XK: variants seen among roughly 807,000 people sequenced by gnomAD.
XK encodes X-linked Kx blood group antigen, Kell and VPS13A binding protein.
Under a neutral mutation model 14.0 loss-of-function variants are expected in XK, and 2 were observed. The ratio of observed to expected loss-of-function variants is 0.14; its 90% CI spans 0.06 to 0.45. The LOEUF is 0.45. Among genes scored for constraint, XK ranks in the 20% least tolerant of loss-of-function variants. XK has a pLI of 0.98. For synonymous variants in XK, 149 were observed against 147.5 expected, an observed-to-expected ratio of 1.01 and a Z score of -0.08; for missense variants, 235 against 341.5, an observed-to-expected ratio of 0.69 and a Z score of 2.46.
intron 2 of XK, among the ~76,000 whole-genome samples, chrX:37,701,716 T>G (rs1214202612): frequency 8.9e-6 from 1 of 112,180 alleles, no homozygotes; most frequent in Non-Finnish European, 1.9e-5. Context: ...TGCATCTGTC[T>G]CCTCCCCTAA....
At chrX:37,690,183 A>G (rs1218144441) in intron 1 of XK, among the ~76,000 whole-genome samples, 3 of 112,035 alleles carry the variant, frequency 2.7e-5, no homozygotes, top group Non-Finnish European at 3.8e-5. Flanking sequence ...GTGCTTTTAC[A>G]TACAGTATTT....
intron 2 of XK, among the ~76,000 whole-genome samples, chrX:37,719,654 T>A (rs1556448522): frequency 9.0e-6 from 1 of 111,435 alleles, no homozygotes; most frequent in African/African-American, 3.3e-5. Flanking sequence ...TTTGAGTTTT[T>A]AAAATAGTTT....
At chrX:37,718,250 C>T (rs1402690023) in intron 2 of XK, among the ~76,000 whole-genome samples, 1 of 111,246 alleles carries the variant, frequency 9.0e-6, no homozygotes, top group Admixed American at 9.5e-5. Flanking sequence ...TCCTCACCCA[C>T]CTCCCCCAAA....
rs28940604 is a variant in XK, at chrX:37,701,452, G to C, written c.508+6904G>C. Among the ~76,000 whole-genome samples the C allele has an allele frequency of 8.1e-3, 907 of 112,583 alleles. 5 individuals carry two copies. Among genetic ancestry groups the C allele is most frequent in the African/African-American group, 0.028 (861 of 31,006 alleles). On this transcript the variant is annotated intron_variant, in intron 2 of 2. Transcript: ENST00000378616. The stretch of plus-strand genomic sequence containing the variant: ...ATGTCCATATTTTAGGTTTTCACCT[G>C]TTCCTTGGATCCTCTGTGGCCACAT...
At chrX:37,707,210 G>A (rs372942658) in intron 2 of XK, among the ~76,000 whole-genome samples, 1 of 110,939 alleles carries the variant, frequency 9.0e-6, no homozygotes, top group Non-Finnish European at 1.9e-5. Flanking sequence ...AGGGGCGGCC[G>A]GGCAGAGGTG....
intron 2 of XK, among the ~76,000 whole-genome samples, chrX:37,720,256 T>C (rs1927843967): frequency 9.0e-6 from 1 of 111,155 alleles, no homozygotes; most frequent in Non-Finnish European, 1.9e-5. Context: ...GAGATTTTTT[T>C]TTTCTTTCAA....
chrX:37,701,342 A>T (rs943260394), intron 2 of XK, among the ~76,000 whole-genome samples: 2 of 112,714 alleles, frequency 1.8e-5, no homozygotes, highest in Admixed American at 9.3e-5. Context: ...TAAAGCATGT[A>T]CTGTACTTTT....
At chrX:37,686,484 C>A (rs1569472210) in intron 1 of XK, among the ~76,000 whole-genome samples, 1 of 112,248 alleles carries the variant, frequency 8.9e-6, no homozygotes, top group Non-Finnish European at 1.9e-5. Context: ...ATGGCAGTTT[C>A]TTGTGGTTCA....
At chrX:37,718,688 A>G (rs374643784) in intron 2 of XK, among the ~76,000 whole-genome samples, 1 of 111,946 alleles carries the variant, frequency 8.9e-6, no homozygotes, top group Non-Finnish European at 1.9e-5. Flanking sequence ...TCCCATAAGC[A>G]GTGTATGAGA....
At chrX:37,707,306 GC>G (rs1800758596) in intron 2 of XK, among the ~76,000 whole-genome samples, 1 of 109,287 alleles carries the variant, frequency 9.2e-6, no homozygotes, top group Admixed American at 9.5e-5. Context: ...CCTGGCGGGG[GC>G]TGACCCCCAC....
In XK at chrX:37,729,395, A is replaced by C. The variant is rs1285010461; in HGVS notation, c.*933A>C. The C allele has an allele frequency of 8.9e-6, 1 of 111,766 alleles. No homozygotes were observed. The highest frequency in any genetic ancestry group is 1.9e-5 in the Non-Finnish European group (1 of 53,144). The allele number at this position is 111,766 out of a possible 1,213,427, so 9.2% of individuals were successfully genotyped here. Reference sequence around the variant, plus strand: ...AATTTTCATTTTCATTATTTCAAGGAATAGAGTTTTCCTCACTACCACTTG... The same window carrying C: ...AATTTTCATTTTCATTATTTCAAGGCATAGAGTTTTCCTCACTACCACTTG... On this transcript the variant is annotated 3_prime_UTR_variant, in exon 3 of 3. Transcript: ENST00000378616.
intron 2 of XK, among the ~76,000 whole-genome samples, chrX:37,716,545 G>A (rs1036696667): frequency 9.0e-5 from 10 of 111,338 alleles, no homozygotes; most frequent in Non-Finnish European, 1.5e-4. Context: ...AGTCATGGAG[G>A]ATCTAATGGC....
Position 37,685,885 on chromosome X carries a change from G to C in XK, c.-77G>C. On this transcript the variant is annotated 5_prime_UTR_variant, in exon 1 of 3. Coordinates refer to ENST00000378616, the MANE Select transcript of XK (RefSeq NM_021083.4). Reference sequence around the variant, plus strand: ...GCTGGGCATGCTGGGAGCCCCTCGGGCAACGGCCGCCGCCGCCACAGCCAC... The same window carrying C: ...GCTGGGCATGCTGGGAGCCCCTCGGCCAACGGCCGCCGCCGCCACAGCCAC... The C allele has an allele frequency of 9.0e-7, 1 of 1,116,853 alleles. No individual in the cohort carries two copies. The highest frequency in any genetic ancestry group is 1.2e-6 in the Non-Finnish European group (1 of 837,225). The allele number at this position is 1,116,853 out of a possible 1,213,427, so 92.0% of individuals were successfully genotyped here.
intron 1 of XK, among the ~76,000 whole-genome samples, chrX:37,688,122 G>A (rs180828723): frequency 0.026 from 2,546 of 98,111 alleles, 41 homozygotes; most frequent in South Asian, 0.072. Flanking sequence ...GTGCAGTGGC[G>A]CGATCTCAGC....
chrX:37,727,924 A>G lies in XK; in HGVS notation c.797A>G (p.Asn266Ser), dbSNP rs1928010845. Residue 266 changes from asparagine to serine, a missense_variant, in exon 3 of 3, where the codon AAC becomes AGC. By Grantham distance (46) the Asn-to-Ser change is conservative. Transcript: ENST00000378616. ...FWCSGSPFPE[N>S]IEKALSRVGT... Reference sequence around the variant, plus strand: ...TGCAGTGGTTCCCCATTCCCTGAGAACATAGAGAAGGCCCTCAGTAGAGTG... The same window carrying G: ...TGCAGTGGTTCCCCATTCCCTGAGAGCATAGAGAAGGCCCTCAGTAGAGTG... 8.3e-7 allele frequency: 1 copy of G among 1,209,174 alleles called. No homozygotes were observed. The highest frequency in any genetic ancestry group is 1.8e-5 in the African/African-American group (1 of 56,940).
Position 37,730,119 on chromosome X carries a change from G to T in XK, c.*1657G>T, listed in dbSNP as rs1747760929. On this transcript the variant is annotated 3_prime_UTR_variant, in exon 3 of 3. Transcript: ENST00000378616. ...AAATGTTTTTGATTTATCAATATTTGTGGTTTAACTTTGTGGGGGTGTCCA... is the reference window on the plus strand; with the variant it reads ...AAATGTTTTTGATTTATCAATATTTTTGGTTTAACTTTGTGGGGGTGTCCA... 1 of 111,455 alleles carries T rather than the reference G, an allele frequency of 9.0e-6. No homozygotes were observed. Among genetic ancestry groups the T allele is most frequent in the Non-Finnish European group, 1.9e-5 (1 of 53,025 alleles). The allele number at this position is 111,455 out of a possible 1,213,427, so 9.2% of individuals were successfully genotyped here.
At chrX:37,725,208 A>G (rs1927953608) in intron 2 of XK, among the ~76,000 whole-genome samples, 1 of 111,571 alleles carries the variant, frequency 9.0e-6, no homozygotes, top group South Asian at 3.7e-4. Flanking sequence ...GTCAAAGGAT[A>G]CAAAGTTTCA....
At chrX:37,697,033 C>T (rs1927318437) in intron 2 of XK, among the ~76,000 whole-genome samples, 1 of 112,061 alleles carries the variant, frequency 8.9e-6, no homozygotes, top group East Asian at 2.8e-4. Context: ...CTGACCAGAA[C>T]TGATCAGTCA....
chrX:37,691,801 C>T (rs891718270), intron 1 of XK, among the ~76,000 whole-genome samples: 4 of 111,458 alleles, frequency 3.6e-5, no homozygotes, highest in Non-Finnish European at 5.7e-5. Flanking sequence ...AATACGTAGC[C>T]TGGTCAACAT....
Sources: allele counts gnomAD v4.1 joint callset (sites outside exome capture counted in the v4.1 genomes callset), GRCh38; gene constraint gnomAD v4.1.1; transcripts MANE v1.5; gene names NCBI Gene and HGNC (gene_info 2026-07-23, HGNC 2026-07-21).